Variants in LMO1 observed in about 807,000 individuals in gnomAD.
The protein encoded by LMO1 is LIM domain only 1.
LMO1 carries 10 observed loss-of-function variants against 18.0 expected under a neutral mutation model. The ratio of observed to expected loss-of-function variants is 0.55; its 90% CI spans 0.34 to 0.94. The LOEUF (loss-of-function observed/expected upper bound fraction) is 0.94. Ranked by LOEUF, LMO1 falls within the 40% of genes least tolerant of loss-of-function variation. The probability of loss-of-function intolerance (pLI) is 0.02; values close to 1 mark genes in which losing one functional copy is unlikely to be tolerated. For synonymous variants in LMO1, 77 were observed against 77.9 expected (o/e 0.99, Z 0.06); for missense variants, 183 against 205.7 (o/e 0.89, Z 0.68).
intron 1 of LMO1, among the ~76,000 whole-genome samples, chr11:8,236,539 G>A (rs1952763094): frequency 6.6e-6 from 1 of 152,040 alleles, no homozygotes; most frequent in Non-Finnish European, 1.5e-5. Context: ...CAAAGTACTG[G>A]ACTCATGTGC....
chr11:8,236,373 A>ATTTT (rs773704821), intron 1 of LMO1, among the ~76,000 whole-genome samples: 1 of 144,238 alleles, frequency 6.9e-6, no homozygotes, highest in Non-Finnish European at 1.5e-5. Flanking sequence ...GGGGGGAGGA[A>ATTTT]TTTTTTTTTT....
chr11:8,256,935 T>C (rs991962417), intron 1 of LMO1, among the ~76,000 whole-genome samples: 2 of 152,074 alleles, frequency 1.3e-5, no homozygotes, highest in Non-Finnish European at 2.9e-5. Context: ...ACAAGAAAGA[T>C]AGCAGGTGAG....
chr11:8,250,606 C>T (rs1179767513), intron 1 of LMO1, among the ~76,000 whole-genome samples: 1 of 152,256 alleles, frequency 6.6e-6, no homozygotes, highest in Non-Finnish European at 1.5e-5. Context: ...AGCCCTGGCC[C>T]CTGCCAAGAA....
intron 1 of LMO1, among the ~76,000 whole-genome samples, chr11:8,237,229 C>T (rs1952775683): frequency 6.6e-6 from 1 of 152,170 alleles, no homozygotes; most frequent in East Asian, 1.9e-4. Flanking sequence ...CCTGCCTGGG[C>T]CCACACCCAG....
At position 8,254,898 on chromosome 11, in the gene LMO1, C is replaced by T. The variant is rs560514847; in HGVS notation, c.25+8440G>A. 1.3e-4 allele frequency among the ~76,000 whole-genome samples: 20 copies of T among 152,318 alleles called. No individual in the cohort carries two copies. The South Asian group carries it at 3.5e-3, about 27-fold the overall frequency. On this transcript the variant is annotated intron_variant, in intron 1 of 3. Transcript: ENST00000335790. ...GCTGTGGGAGCTGGAACCAATTACT[C>T]AATCTCTTTGTACAATAATTTTCTC... is the stretch of plus-strand genomic sequence containing the variant.
chr11:8,227,391 C>T (rs140130791), intron 2 of LMO1, among the ~76,000 whole-genome samples: 61 of 152,328 alleles, frequency 4.0e-4, no homozygotes, highest in African/African-American at 1.3e-3. Flanking sequence ...GGTCCTCAAG[C>T]CCTGGAGCCA....
Position 8,230,469 on chromosome 11 carries a change from G to T in LMO1, c.61C>A (p.Gln21Lys), listed in dbSNP as rs751229232. Residue 21 changes from glutamine to lysine, a missense_variant, in exon 2 of 4, where the codon CAG (glutamine) becomes AAG (lysine). Physicochemically the swap from Gln to Lys is moderately conservative, Grantham distance 53. Transcript: ENST00000335790. Reference protein sequence around the residue: ...PMLSVQPKGKQKGCAGCNRKI... With the variant: ...PMLSVQPKGKKKGCAGCNRKI... ...CGGTTACAGCCCGCACAGCCCTTCTGCTTCCCTTTGGGCTGGACGGAGAGC... is the reference window on the plus strand; with the variant it reads ...CGGTTACAGCCCGCACAGCCCTTCTTCTTCCCTTTGGGCTGGACGGAGAGC... 1 of 1,613,604 alleles carries T rather than the reference G, an allele frequency of 6.2e-7. No homozygotes were observed. Among genetic ancestry groups the T allele is most frequent in the East Asian group, 2.2e-5 (1 of 44,884 alleles).
At chr11:8,231,552 C>T (rs931669436) in intron 1 of LMO1, among the ~76,000 whole-genome samples, 1 of 152,232 alleles carries the variant, frequency 6.6e-6, no homozygotes, top group African/African-American at 2.4e-5. Flanking sequence ...AGAAGCCCTG[C>T]TCTGTGACTT....
intron 1 of LMO1, among the ~76,000 whole-genome samples, chr11:8,262,031 C>A (rs1013223522): frequency 1.1e-4 from 17 of 152,142 alleles, no homozygotes; most frequent in African/African-American, 4.1e-4. Context: ...GCGGTAGCAG[C>A]CTGGGGGCAT....
At position 8,263,436 on chromosome 11, in the gene LMO1, G is replaced by C; in HGVS notation, c.-74C>G. ...CGCCGACTCGGGGCGCGCTTTGGAG[G>C]GGCGGCCGGTCTTCGGGCAGCTAGC... On this transcript the variant is annotated 5_prime_UTR_variant, in exon 1 of 4. Transcript: ENST00000335790. 6.3e-7 allele frequency: 1 copy of C among 1,578,752 alleles called. No homozygotes were observed. Among genetic ancestry groups the C allele is most frequent in the Non-Finnish European group, 8.6e-7 (1 of 1,169,568 alleles).
intron 1 of LMO1, among the ~76,000 whole-genome samples, chr11:8,260,973 G>A (rs1847176905): frequency 6.6e-6 from 1 of 152,208 alleles, no homozygotes; most frequent in African/African-American, 2.4e-5. Context: ...GGTTGGTTTG[G>A]AGGAGCAGAT....
chr11:8,268,073 C>T (rs568785941), upstream of LMO1, among the ~76,000 whole-genome samples: 195 of 152,366 alleles, frequency 1.3e-3, 1 homozygote, highest in Non-Finnish European at 2.1e-3. Flanking sequence ...TGGGCACTGC[C>T]GGGAAGCCCG....
intron 1 of LMO1, 27 bp downstream of exon 1, chr11:8,263,311 G>T (rs753402018): frequency 1.9e-6 from 3 of 1,594,236 alleles, no homozygotes; most frequent in Non-Finnish European, 1.7e-6. Flanking sequence ...GGGGTGAGGG[G>T]CGTCGAGACC....
intron 1 of LMO1, among the ~76,000 whole-genome samples, chr11:8,253,170 T>C (rs910106228): frequency 6.6e-6 from 1 of 152,172 alleles, no homozygotes; most frequent in Non-Finnish European, 1.5e-5. Flanking sequence ...ACGAGGAAAG[T>C]GGGAGAAGCT....
intron 2 of LMO1, among the ~76,000 whole-genome samples, chr11:8,229,595 G>A (rs1454259637): frequency 6.6e-6 from 1 of 152,200 alleles, no homozygotes; most frequent in South Asian, 2.1e-4. Context: ...GGGGGAGGTG[G>A]CCCCAGGGAA....
At chr11:8,266,079 G>A (rs1353225540), upstream of LMO1, among the ~76,000 whole-genome samples, 1 of 152,218 alleles carries the variant, frequency 6.6e-6, no homozygotes, top group Non-Finnish European at 1.5e-5. Context: ...CAGGCCTGGG[G>A]TGCTGAGCAA....
upstream of LMO1, among the ~76,000 whole-genome samples, chr11:8,264,504 GAGAC>G (rs752969857): frequency 3.7e-4 from 56 of 152,330 alleles, no homozygotes; most frequent in Admixed American, 5.9e-4. Context: ...GGCAGGAAAA[GAGAC>G]AGTGCCCATC....
intron 1 of LMO1, among the ~76,000 whole-genome samples, chr11:8,245,661 C>T (rs2134558697): frequency 6.6e-6 from 1 of 152,262 alleles, no homozygotes; most frequent in Admixed American, 6.5e-5. Context: ...TCCGGAAGTT[C>T]GGACAACCAA....
intron 1 of LMO1, among the ~76,000 whole-genome samples, chr11:8,237,939 A>G (rs1324503262): frequency 6.6e-6 from 1 of 152,238 alleles, no homozygotes; most frequent in Non-Finnish European, 1.5e-5. Context: ...ACTTTAAAGG[A>G]TTGAGGATTA....
Sources: allele counts gnomAD v4.1 joint callset (sites outside exome capture counted in the v4.1 genomes callset), GRCh38; gene constraint gnomAD v4.1.1; transcripts MANE v1.5; gene names NCBI Gene and HGNC (gene_info 2026-07-23, HGNC 2026-07-21).